EBF4: variants seen among roughly 807,000 people sequenced by gnomAD.
EBF4 encodes transcription factor COE4.
In EBF4, 34 loss-of-function variants were observed where a neutral mutation model predicts 67.1. The observed-to-expected ratio is 0.51, with a 90% CI of 0.39 to 0.67. EBF4 has a LOEUF of 0.67. EBF4 is among the 30% of genes least tolerant of loss of function. The probability of loss-of-function intolerance (pLI) is 0.00; values close to 1 mark genes in which losing one functional copy is unlikely to be tolerated. For synonymous variants in EBF4, 387 were observed against 377.7 expected (o/e 1.02, Z -0.29); for missense variants, 837 against 873.3 (o/e 0.96, Z 0.52).
exon 2 of EBF4, chr20:2,705,594 G>A (rs1475234549): frequency 1.6e-5 from 25 of 1,552,086 alleles, no homozygotes; most frequent in Non-Finnish European, 2.0e-5. Context: ...GGTCTGGCAC[G>A]AGCACATTTT....
At position 2,757,816 on chromosome 20, in the gene EBF4, G is replaced by T. The variant is rs151095258; in HGVS notation, c.1739-1093G>T. 4.5e-3 allele frequency among the ~76,000 whole-genome samples: 688 copies of T among 152,236 alleles called. 5 individuals carry two copies. The highest frequency in any genetic ancestry group is 6.1e-3 in the Non-Finnish European group (413 of 68,018). ...AGAAAAATGAGCTGGGTGTGGTGGC[G>T]CATGCCTGTAGTCCCAGCTACTCGG... is the stretch of plus-strand genomic sequence containing the variant. On this transcript the variant is annotated intron_variant, in intron 15 of 16. Transcript: ENST00000609451.
intron 1 of EBF4, among the ~76,000 whole-genome samples, chr20:2,705,373 G>A (rs1023953566): frequency 6.6e-6 from 1 of 152,194 alleles, no homozygotes; most frequent in Admixed American, 6.5e-5. Context: ...GGCAGGCTGG[G>A]GTGCCCTAGG....
At chr20:2,721,341 C>T (rs1198627744) in intron 6 of EBF4, among the ~76,000 whole-genome samples, 3 of 147,818 alleles carry the variant, frequency 2.0e-5, no homozygotes, top group Non-Finnish European at 4.5e-5. Flanking sequence ...TTTTTTTCTG[C>T]CAGTTTTCAT....
intron 14 of EBF4, among the ~76,000 whole-genome samples, chr20:2,753,159 C>A (rs896318833): frequency 1.4e-4 from 22 of 152,224 alleles, no homozygotes; most frequent in African/African-American, 5.1e-4. Flanking sequence ...TGTTTCCTCG[C>A]AGTCAAATAG....
chr20:2,726,580 C>CAA (rs10681053), intron 6 of EBF4, among the ~76,000 whole-genome samples: 21,475 of 144,492 alleles, frequency 0.15, 1,636 homozygotes, highest in East Asian at 0.29. Context: ...GACCCTGTCT[C>CAA]AAAAAAAAAA....
intron 7 of EBF4, among the ~76,000 whole-genome samples, chr20:2,748,939 C>T (rs1262168950): frequency 2.0e-5 from 3 of 152,198 alleles, no homozygotes; most frequent in African/African-American, 7.2e-5. Context: ...CTGCCCTTAG[C>T]ACATCCCCAA....
At chr20:2,697,337 A>G (rs2087306102) in intron 1 of EBF4, among the ~76,000 whole-genome samples, 1 of 152,068 alleles carries the variant, frequency 6.6e-6, no homozygotes, top group Admixed American at 6.5e-5. Flanking sequence ...CGAGGTCAGG[A>G]GATCGAGACC....
chr20:2,705,004 C>T (rs2087430849), intron 1 of EBF4, among the ~76,000 whole-genome samples: 1 of 152,260 alleles, frequency 6.6e-6, no homozygotes, highest in African/African-American at 2.4e-5. Flanking sequence ...GGTTCCTCTA[C>T]ACTTTGGGGG....
chr20:2,748,616 A>G, exon 7 of EBF4: 1 of 1,551,594 alleles, frequency 6.4e-7, no homozygotes, highest in Non-Finnish European at 8.7e-7. Flanking sequence ...TCCCAGAGAC[A>G]TGCGCCGCTT....
At chr20:2,734,093 T>C (rs1236955731) in intron 6 of EBF4, among the ~76,000 whole-genome samples, 1 of 152,226 alleles carries the variant, frequency 6.6e-6, no homozygotes, top group African/African-American at 2.4e-5. Context: ...TCTATGAACA[T>C]ATTTATAATT....
chr20:2,695,349 G>A (rs905770931), intron 1 of EBF4, among the ~76,000 whole-genome samples: 2 of 152,172 alleles, frequency 1.3e-5, no homozygotes, highest in African/African-American at 4.8e-5. Context: ...CTTGGAGACT[G>A]CGTGGGGTTC....
At chr20:2,712,597 A>C (rs1325548257) in intron 6 of EBF4, among the ~76,000 whole-genome samples, 1 of 152,224 alleles carries the variant, frequency 6.6e-6, no homozygotes, top group Non-Finnish European at 1.5e-5. Flanking sequence ...AAAGCCACAG[A>C]AAACATGAGG....
chr20:2,711,091 C>T (rs540379616), intron 6 of EBF4, among the ~76,000 whole-genome samples: 76 of 151,776 alleles, frequency 5.0e-4, no homozygotes, highest in African/African-American at 1.7e-3. Context: ...TAGACTGCAG[C>T]GAGCTGTGAT....
chr20:2,715,640 C>T (rs928557436), intron 6 of EBF4, among the ~76,000 whole-genome samples: 1 of 152,228 alleles, frequency 6.6e-6, no homozygotes, highest in Non-Finnish European at 1.5e-5. Context: ...TGTCACACTT[C>T]TTATCGTTTG....
chr20:2,712,155 C>T (rs778690102), intron 6 of EBF4, among the ~76,000 whole-genome samples: 36 of 152,106 alleles, frequency 2.4e-4, no homozygotes, highest in Non-Finnish European at 3.8e-4. Flanking sequence ...TTTGGCAGGA[C>T]ATGGAAGCCA....
intron 6 of EBF4, among the ~76,000 whole-genome samples, chr20:2,733,140 A>G (rs1041750378): frequency 2.0e-5 from 3 of 152,146 alleles, no homozygotes; most frequent in Non-Finnish European, 4.4e-5. Flanking sequence ...TTCATTTTTG[A>G]AGTTGATCAT....
At chr20:2,709,270 T>C (rs932114889) in intron 5 of EBF4, among the ~76,000 whole-genome samples, 20 of 152,138 alleles carry the variant, frequency 1.3e-4, no homozygotes, top group African/African-American at 4.3e-4. Context: ...TGTGCTTCCA[T>C]AGAGAGAAAC....
intron 6 of EBF4, among the ~76,000 whole-genome samples, chr20:2,731,516 G>C (rs980164973): frequency 1.3e-5 from 2 of 152,182 alleles, no homozygotes; most frequent in Non-Finnish European, 2.9e-5. Context: ...GCCACACCCT[G>C]CTGCAAGGGA....
chr20:2,715,930 G>A (rs185681994), intron 6 of EBF4, among the ~76,000 whole-genome samples: 1 of 152,010 alleles, frequency 6.6e-6, no homozygotes, highest in African/African-American at 2.4e-5. Context: ...TGTATTTTTA[G>A]CAGAGATGGG....
Sources: allele counts gnomAD v4.1 joint callset (sites outside exome capture counted in the v4.1 genomes callset), GRCh38; gene constraint gnomAD v4.1.1; transcripts MANE v1.5; gene names NCBI Gene and HGNC (gene_info 2026-07-23, HGNC 2026-07-21).